NFIC: variants seen among roughly 807,000 people sequenced by gnomAD.
The protein encoded by NFIC is nuclear factor 1 C-type.
A neutral mutation model predicts 54.4 loss-of-function variants in NFIC; 12 were observed. The observed-to-expected ratio is 0.22, with a 90% CI of 0.14 to 0.36. The LOEUF is 0.36. Ranked by LOEUF, NFIC falls within the 10% of genes least tolerant of loss-of-function variation. The pLI is 1.00. For synonymous variants in NFIC, 322 were observed against 319.2 expected (o/e 1.01, Z -0.09); for missense variants, 575 against 718.2 (o/e 0.80, Z 2.28).
chr19:3,359,672 G>T (rs1288187820), exon 1 of NFIC: 2 of 1,408,450 alleles, frequency 1.4e-6, no homozygotes, highest in Non-Finnish European at 1.9e-6. Context: ...TCGCCTCCTC[G>T]CAGCAGCGCC....
At position 3,453,698 on chromosome 19, in the gene NFIC, G is replaced by A. The variant is rs917478219; in HGVS notation, c.1270-65G>A. The A allele has an allele frequency of 1.1e-5, 16 of 1,522,858 alleles. No individual in the cohort carries two copies. Among genetic ancestry groups the A allele is most frequent in the African/African-American group, 4.3e-5 (3 of 69,428 alleles). 94.3% of individuals were successfully genotyped at this position (1,522,858 alleles called of 1,614,324 possible). A position where few individuals can be genotyped will look rare whatever the true frequency, so the allele number is the denominator to read the frequency against. ...GCCGTGCACAGAGCCGGGGGCGGCCGGCGCCAGCAGCCCGAGGTAGAGGGG... is the reference window on the plus strand; with the variant it reads ...GCCGTGCACAGAGCCGGGGGCGGCCAGCGCCAGCAGCCCGAGGTAGAGGGG... On this transcript the variant is annotated intron_variant, in intron 8 of 10. Transcript: ENST00000443272. This position sits in a 1 kb window ranked among gnomAD's most constrained non-coding sequence, Gnocchi z 6.7.
At chr19:3,395,085 G>A (rs367840290) in intron 2 of NFIC, among the ~76,000 whole-genome samples, 8 of 152,060 alleles carry the variant, frequency 5.3e-5, no homozygotes, top group Non-Finnish European at 1.2e-4. Flanking sequence ...GAGGCTGGGC[G>A]CGGTGGCTCA....
intron 7 of NFIC, among the ~76,000 whole-genome samples, chr19:3,451,416 T>G (rs2082460546): frequency 6.6e-6 from 1 of 151,916 alleles, no homozygotes; most frequent in Non-Finnish European, 1.5e-5. Flanking sequence ...GTGGATTGCT[T>G]GAGTCCAGGA....
In NFIC at chr19:3,462,967, A is replaced by G; in HGVS notation, c.*198A>G. 1 of 1,431,488 alleles carries G rather than the reference A, an allele frequency of 7.0e-7. No individual in the cohort carries two copies. The highest frequency in any genetic ancestry group is 1.4e-5 in the African/African-American group (1 of 68,990). The allele number at this position is 1,431,488 out of a possible 1,614,324, so 88.7% of individuals were successfully genotyped here. ...AAGAAAAAACAAAGGCAGAAGAAGA[A>G]GAAGAAGAAATAAAAACCCACCCAA... On this transcript the variant is annotated 3_prime_UTR_variant, in exon 11 of 11. Transcript: ENST00000443272.
intron 2 of NFIC, among the ~76,000 whole-genome samples, chr19:3,391,460 A>G (rs1377589317): frequency 1.3e-5 from 2 of 151,964 alleles, no homozygotes; most frequent in Non-Finnish European, 2.9e-5. Context: ...AGACCAGCCC[A>G]GCCAACATGG....
chr19:3,434,366 C>T lies in NFIC; in HGVS notation c.799C>T (p.Leu267Phe). The stretch of plus-strand genomic sequence containing the variant: ...CGACCTGAACCCAGCCAGCACTGGC[C>T]TCAGAAGAACGCTGCCCAGCACCTC... ...AYDLNPASTG[L>F]RRTLPSTSSS... The change falls in exon 5 of 11, where the codon CTC becomes TTC. Residue 267 changes from leucine to phenylalanine, a missense_variant. Transcript: ENST00000443272. 6.2e-7 allele frequency: 1 copy of T among 1,612,800 alleles called. No individual in the cohort carries two copies. The highest frequency in any genetic ancestry group is 8.5e-7 in the Non-Finnish European group (1 of 1,179,522).
chr19:3,370,458 A>G lies in NFIC; in HGVS notation c.30+3792A>G, dbSNP rs1175694855. On this transcript the variant is annotated intron_variant, in intron 1 of 10. Coordinates refer to ENST00000443272, the MANE Select transcript of NFIC (RefSeq NM_001245002.2). This position sits in a 1 kb window ranked among gnomAD's most constrained non-coding sequence, Gnocchi z 5.2. The stretch of plus-strand genomic sequence containing the variant: ...CGCCCTGTAAATCACCAAAGCTGGG[A>G]TTCTGGCAGAGTCAGCGTTCTCCTC... Among the ~76,000 whole-genome samples the G allele has an allele frequency of 6.6e-6, 1 of 151,070 alleles. No individual in the cohort carries two copies. Among genetic ancestry groups the G allele is most frequent in the Admixed American group, 6.6e-5 (1 of 15,206 alleles).
At chr19:3,363,813 G>C (rs575683569), upstream of NFIC, among the ~76,000 whole-genome samples, 5 of 152,322 alleles carry the variant, frequency 3.3e-5, no homozygotes, top group African/African-American at 1.2e-4. Context: ...GGAGTGGGTG[G>C]AGGCCATGGA....
chr19:3,463,161 C>G lies in NFIC; in HGVS notation c.*392C>G. ...GCTCGGGAAGGACAGACGCCGGCCGCCCGCCCGCGCCCCGGAGGCCCTGGC... is the reference window on the plus strand; with the variant it reads ...GCTCGGGAAGGACAGACGCCGGCCGGCCGCCCGCGCCCCGGAGGCCCTGGC... On this transcript the variant is annotated 3_prime_UTR_variant, in exon 11 of 11. Coordinates refer to ENST00000443272, the MANE Select transcript of NFIC (RefSeq NM_001245002.2). 1 of 1,078,234 alleles carries G rather than the reference C, an allele frequency of 9.3e-7. No homozygotes were observed. The highest frequency in any genetic ancestry group is 1.1e-6 in the Non-Finnish European group (1 of 889,164). The allele number at this position is 1,078,234 out of a possible 1,614,324, so 66.8% of individuals were successfully genotyped here.
Position 3,453,420 on chromosome 19 carries a change from G to A in NFIC, c.1270-343G>A, listed in dbSNP as rs116253135. Among the ~76,000 whole-genome samples, 72 of 152,170 alleles carry A rather than the reference G, an allele frequency of 4.7e-4. No individual in the cohort carries two copies. The highest frequency in any genetic ancestry group is 2.6e-3 in the Admixed American group (40 of 15,284). On this transcript the variant is annotated intron_variant, in intron 8 of 10. Coordinates refer to ENST00000443272, the MANE Select transcript of NFIC (RefSeq NM_001245002.2). This position sits in a 1 kb window ranked among gnomAD's most constrained non-coding sequence, Gnocchi z 6.7. ...GATGATGGTGGATGATGGCGTGCTC[G>A]CAGTGAATTAGGAAAAACGCGGAGA...
At chr19:3,385,411 G>A (rs2081279379) in intron 2 of NFIC, among the ~76,000 whole-genome samples, 1 of 152,142 alleles carries the variant, frequency 6.6e-6, no homozygotes, top group African/African-American at 2.4e-5. Context: ...TGCCCAGGGT[G>A]AGAGCTCAGT....
intron 2 of NFIC, among the ~76,000 whole-genome samples, chr19:3,391,337 A>C: frequency 6.6e-6 from 1 of 152,170 alleles, no homozygotes; most frequent in East Asian, 1.9e-4. Flanking sequence ...GTTGTGAATA[A>C]TGATAATAAC....
intron 4 of NFIC, 84 bp downstream of exon 4, chr19:3,433,676 C>A: frequency 7.0e-7 from 1 of 1,424,184 alleles, no homozygotes. Context: ...CCTCACCCTA[C>A]TCCTTGTCCT....
At chr19:3,421,942 T>G (rs1408173374) in intron 2 of NFIC, among the ~76,000 whole-genome samples, 2 of 152,078 alleles carry the variant, frequency 1.3e-5, no homozygotes, top group Non-Finnish European at 2.9e-5. Flanking sequence ...TTTTTTTTTC[T>G]TTTTTGTTGA....
chr19:3,360,153 C>T (rs1408318443), intron 1 of NFIC, among the ~76,000 whole-genome samples: 2 of 145,364 alleles, frequency 1.4e-5, no homozygotes. Flanking sequence ...CGCGGGGTGC[C>T]CCGGCCCGGG....
rs1216751082 is a variant in NFIC at position 3,467,218 on chromosome 19, C to CA, written c.*4449_*4450insA. The CA allele has an allele frequency of 7.9e-6, 1 of 126,186 alleles. No homozygotes were observed. Among genetic ancestry groups the CA allele is most frequent in the Non-Finnish European group, 1.7e-5 (1 of 59,104 alleles). The allele number at this position is 126,186 out of a possible 1,614,324, so 7.8% of individuals were successfully genotyped here. Reference sequence around the variant, plus strand: ...GACACCACACCTATGCCAGGCCCCCCCCCCCACCCCAGTCTCATTCTGGGG... The same window carrying CA: ...GACACCACACCTATGCCAGGCCCCCCACCCCCACCCCAGTCTCATTCTGGGG... On this transcript the variant is annotated 3_prime_UTR_variant, in exon 11 of 11. Transcript: ENST00000443272.
chr19:3,390,970 G>A (rs113529066), intron 2 of NFIC, among the ~76,000 whole-genome samples: 2 of 152,206 alleles, frequency 1.3e-5, no homozygotes, highest in African/African-American at 4.8e-5. Context: ...CTATGAATAC[G>A]CTTAATGCTG....
chr19:3,380,149 C>T (rs773318186), intron 1 of NFIC, among the ~76,000 whole-genome samples: 17 of 151,018 alleles, frequency 1.1e-4, no homozygotes, highest in South Asian at 4.2e-4. Flanking sequence ...TACAGGCGCC[C>T]GACACCACGC....
At chr19:3,402,967 C>T (rs577030788) in intron 2 of NFIC, among the ~76,000 whole-genome samples, 1 of 152,202 alleles carries the variant, frequency 6.6e-6, no homozygotes, top group Non-Finnish European at 1.5e-5. Flanking sequence ...GACTACTCCC[C>T]CAAATCTCTT....
Sources: allele counts gnomAD v4.1 joint callset (sites outside exome capture counted in the v4.1 genomes callset), GRCh38; gene constraint gnomAD v4.1.1; non-coding constraint Gnocchi (gnomAD v3.1); transcripts MANE v1.5; gene names NCBI Gene and HGNC (gene_info 2026-07-23, HGNC 2026-07-21).